Variants in KYNU observed in about 807,000 individuals in gnomAD.
KYNU encodes kynureninase.
KYNU carries 54 observed loss-of-function variants against 59.2 expected under a neutral mutation model. That is an observed-to-expected ratio of 0.91 (90% confidence interval 0.73 to 1.14). The LOEUF is 1.14. Among genes scored for constraint, KYNU ranks in the 50% most tolerant of loss-of-function variants. The probability of loss-of-function intolerance (pLI) is 0.00; values close to 1 mark genes in which losing one functional copy is unlikely to be tolerated. For synonymous variants in KYNU, 177 were observed against 192.0 expected, an observed-to-expected ratio of 0.92 and a Z score of 0.65; for missense variants, 567 against 554.4, an observed-to-expected ratio of 1.02 and a Z score of -0.23.
At chr2:142,927,559 G>C (rs975516677) in intron 3 of KYNU, 100 bp from the exon 4 acceptor site, 3 of 860,434 alleles carry the variant, frequency 3.5e-6, no homozygotes, top group Non-Finnish European at 2.0e-6. Context: ...CACATAGAAA[G>C]GTCCACATAG....
At chr2:142,921,169 G>C (rs1682870006) in intron 3 of KYNU, among the ~76,000 whole-genome samples, 1 of 152,158 alleles carries the variant, frequency 6.6e-6, no homozygotes. Context: ...TGACTAAAGG[G>C]AAGAGTTTTA....
At chr2:142,947,099 C>G in intron 4 of KYNU, 1 of 1,551,024 alleles carries the variant, frequency 6.4e-7, no homozygotes, top group Non-Finnish European at 8.7e-7. Context: ...CCTTTTGTTG[C>G]TTTTTTCAGC....
intron 8 of KYNU, among the ~76,000 whole-genome samples, chr2:142,973,184 A>G (rs1009704115): frequency 1.8e-4 from 28 of 151,844 alleles, no homozygotes; most frequent in African/African-American, 6.3e-4. Context: ...GAAAAAATAT[A>G]TAATCTTTTT....
At chr2:142,967,017 G>C (rs902224903) in intron 8 of KYNU, among the ~76,000 whole-genome samples, 2 of 151,244 alleles carry the variant, frequency 1.3e-5, no homozygotes, top group Non-Finnish European at 2.9e-5. Context: ...AGTTTGGCCA[G>C]GACTCAAGAG....
chr2:142,922,938 T>C (rs78686840), intron 3 of KYNU, among the ~76,000 whole-genome samples: 2,699 of 152,314 alleles, frequency 0.018, 65 homozygotes, highest in African/African-American at 0.062. Flanking sequence ...AGGTGCTGGC[T>C]GACTTAGTGT....
rs1687196525 is a variant in KYNU at position 143,048,029 on chromosome 2, G to C, written c.*5857G>C. 6.6e-6 allele frequency: 1 copy of C among 152,008 alleles called. No homozygotes were observed. Among genetic ancestry groups the C allele is most frequent in the South Asian group, 2.1e-4 (1 of 4,822 alleles). The allele number at this position is 152,008 out of a possible 1,614,324, so 9.4% of individuals were successfully genotyped here. On this transcript the variant is annotated 3_prime_UTR_variant, in exon 14 of 14. Transcript: ENST00000264170. Reference sequence around the variant, plus strand: ...CCAGCTAATTTTTGTATTTTTCATAGAGACAGGATTTCACCATGTTGGCTA... The same window carrying C: ...CCAGCTAATTTTTGTATTTTTCATACAGACAGGATTTCACCATGTTGGCTA...
chr2:142,992,549 ATTTAT>A lies in KYNU; in HGVS notation c.902+6531_902+6535del, dbSNP rs1245456486. 3.3e-5 allele frequency among the ~76,000 whole-genome samples: 5 copies of A among 151,914 alleles called. No individual in the cohort carries two copies. The East Asian group carries it at 9.7e-4, about 30-fold the overall frequency. ...CCTTCTGCCATTGACTTTAAAATTG[ATTTAT>A]TTAAGTGGTTTTTTCATATTTTCAT... On this transcript the variant is annotated intron_variant, in intron 10 of 13. Coordinates refer to ENST00000264170, the MANE Select transcript of KYNU (RefSeq NM_003937.3).
At chr2:142,915,971 G>A (rs1384873090) in intron 2 of KYNU, among the ~76,000 whole-genome samples, 1 of 152,000 alleles carries the variant, frequency 6.6e-6, no homozygotes, top group Non-Finnish European at 1.5e-5. Context: ...AAACACACAG[G>A]CATACTGGGA....
rs1687328858 is a variant in KYNU at position 143,054,935 on chromosome 2, A to C, written c.*12763A>C. On this transcript the variant is annotated 3_prime_UTR_variant, in exon 14 of 14. Transcript: ENST00000264170. Reference sequence around the variant, plus strand: ...AAGACATTGTTGTGAGAATTGAGGAAATTTGAATGAGAAATGTATTTTTAT... The same window carrying C: ...AAGACATTGTTGTGAGAATTGAGGACATTTGAATGAGAAATGTATTTTTAT... 6.6e-6 allele frequency: 1 copy of C among 152,190 alleles called. No homozygotes were observed. The highest frequency in any genetic ancestry group is 2.1e-4 in the South Asian group (1 of 4,830). 9.4% of individuals were successfully genotyped at this position (152,190 alleles called of 1,614,324 possible).
At chr2:142,957,438 A>G (rs1044465585) in intron 6 of KYNU, among the ~76,000 whole-genome samples, 2 of 152,138 alleles carry the variant, frequency 1.3e-5, no homozygotes, top group Non-Finnish European at 2.9e-5. Flanking sequence ...CTCTGTTTTC[A>G]TCTATCTCAA....
intron 4 of KYNU, among the ~76,000 whole-genome samples, chr2:142,946,840 A>G (rs150551197): frequency 2.2e-3 from 329 of 152,182 alleles, no homozygotes; most frequent in African/African-American, 7.6e-3. Flanking sequence ...TTCTTCCAAT[A>G]GAGGACTCAT....
chr2:142,955,606 A>G (rs1235051282), intron 5 of KYNU, among the ~76,000 whole-genome samples: 1 of 152,090 alleles, frequency 6.6e-6, no homozygotes, highest in Non-Finnish European at 1.5e-5. Flanking sequence ...GAAACATAAT[A>G]TCTACCTCAA....
rs1350454032 is a variant in KYNU, at chr2:143,043,529, C to T, written c.*1357C>T. ...TGTGGAACTCCAACATCAACACCTACCAATACCAGTAACTACTGATATTTA... is the reference window on the plus strand; with the variant it reads ...TGTGGAACTCCAACATCAACACCTATCAATACCAGTAACTACTGATATTTA... On this transcript the variant is annotated 3_prime_UTR_variant, in exon 14 of 14. Coordinates refer to ENST00000264170, the MANE Select transcript of KYNU (RefSeq NM_003937.3). 6.6e-6 allele frequency: 1 copy of T among 151,686 alleles called. No homozygotes were observed. The highest frequency in any genetic ancestry group is 1.5e-5 in the Non-Finnish European group (1 of 67,896). 9.4% of individuals were successfully genotyped at this position (151,686 alleles called of 1,614,324 possible). A position where few individuals can be genotyped will look rare whatever the true frequency, so the allele number is the denominator to read the frequency against.
At chr2:143,031,190 G>A (rs1275616091) in intron 11 of KYNU, among the ~76,000 whole-genome samples, 4 of 152,074 alleles carry the variant, frequency 2.6e-5, no homozygotes, top group Non-Finnish European at 5.9e-5. Flanking sequence ...AAAATAATTA[G>A]ATCTGTTATT....
At chr2:142,992,437 T>G (rs1472107890) in intron 10 of KYNU, among the ~76,000 whole-genome samples, 1 of 151,850 alleles carries the variant, frequency 6.6e-6, no homozygotes, top group African/African-American at 2.4e-5. Flanking sequence ...TAGAATATTA[T>G]AATTTTAATC....
chr2:143,036,191 G>A lies in KYNU; in HGVS notation c.1041+2870G>A, dbSNP rs116557634. Among the ~76,000 whole-genome samples, 502 of 152,046 alleles carry A rather than the reference G, an allele frequency of 3.3e-3. 1 individual carries two copies. The highest frequency in any genetic ancestry group is 5.6e-3 in the Admixed American group (85 of 15,250). On this transcript the variant is annotated intron_variant, in intron 12 of 13. Coordinates refer to ENST00000264170, the MANE Select transcript of KYNU (RefSeq NM_003937.3). ...TGTTTTTCAGTGCTATAAAGAAATAGCACTTGAACGCAAATTTAATTTATT... is the reference window on the plus strand; with the variant it reads ...TGTTTTTCAGTGCTATAAAGAAATAACACTTGAACGCAAATTTAATTTATT...
At chr2:142,968,047 G>C (rs1303573868) in intron 8 of KYNU, among the ~76,000 whole-genome samples, 1 of 152,100 alleles carries the variant, frequency 6.6e-6, no homozygotes, top group Non-Finnish European at 1.5e-5. Flanking sequence ...GTTGACATTA[G>C]AGACATTTTG....
At chr2:143,026,573 C>T (rs1686570423) in intron 10 of KYNU, among the ~76,000 whole-genome samples, 1 of 152,246 alleles carries the variant, frequency 6.6e-6, no homozygotes, top group Admixed American at 6.5e-5. Flanking sequence ...CAGCGTTCCA[C>T]CCCTCATGGG....
At chr2:142,928,929 G>T (rs1365380371) in intron 4 of KYNU, among the ~76,000 whole-genome samples, 1 of 147,528 alleles carries the variant, frequency 6.8e-6, no homozygotes, top group African/African-American at 2.5e-5. Flanking sequence ...GTTAGCTTGA[G>T]CCTGGGAGGT....
Sources: gnomAD v4.1 joint callset for allele counts (sites outside exome capture counted in the v4.1 genomes callset) on GRCh38, gnomAD v4.1.1 for gene constraint, MANE v1.5 for transcripts, NCBI Gene and HGNC (gene_info 2026-07-23, HGNC 2026-07-21) for gene names.